The following CACNA1A variants were observed in gnomAD, a reference collection of about 807,000 sequenced individuals.
The protein encoded by CACNA1A is voltage-dependent P/Q-type calcium channel subunit alpha-1A.
A neutral mutation model predicts 262.4 loss-of-function variants in CACNA1A; 57 were observed. That is an observed-to-expected ratio of 0.22 (90% CI 0.18 to 0.27). CACNA1A has a LOEUF of 0.27. Among genes scored for constraint, CACNA1A ranks in the 10% least tolerant of loss-of-function variants. The pLI, the probability that CACNA1A is intolerant of heterozygous loss-of-function variation, is 1.00. For missense variants in CACNA1A, 2,526 were observed against 3,562.8 expected, an observed-to-expected ratio of 0.71 and a Z score of 7.41; for synonymous variants, 1,431 against 1,419.3, an observed-to-expected ratio of 1.01 and a Z score of -0.18.
Position 13,318,890 on chromosome 19 carries a change from CT to C in CACNA1A, c.1346-1570del, listed in dbSNP as rs751530649. 9.0e-3 allele frequency among the ~76,000 whole-genome samples: 1,028 copies of C among 114,558 alleles called. 21 individuals are homozygous for C. The highest frequency in any genetic ancestry group is 0.011 in the Non-Finnish European group (660 of 57,520). 75.2% of individuals were successfully genotyped at this position (114,558 alleles called of 152,430 possible). ...ATTGAATTTACCTTCTAAAATACAT[CT>C]TTTTTTTTTTTTTTTGAGACAGGAT... On this transcript the variant is annotated intron_variant, in intron 10 of 46. Coordinates refer to ENST00000360228, the MANE Select transcript of CACNA1A (RefSeq NM_001127222.2).
chr19:13,355,156 G>A (rs899196646), intron 6 of CACNA1A, among the ~76,000 whole-genome samples: 1 of 152,136 alleles, frequency 6.6e-6, no homozygotes, highest in Non-Finnish European at 1.5e-5. Context: ...GATTACAGGC[G>A]TGAGCCACTG....
At chr19:13,408,076 G>A (rs924485436) in intron 3 of CACNA1A, among the ~76,000 whole-genome samples, 3 of 152,072 alleles carry the variant, frequency 2.0e-5, no homozygotes, top group East Asian at 3.9e-4. Flanking sequence ...CATGCCTTCC[G>A]CACAGCCTGT....
At chr19:13,474,557 G>A (rs1425460317) in intron 1 of CACNA1A, among the ~76,000 whole-genome samples, 4 of 152,200 alleles carry the variant, frequency 2.6e-5, no homozygotes, top group East Asian at 1.9e-4. Flanking sequence ...GGTGGCTTAC[G>A]CCTGTAATCC....
At chr19:13,456,244 CAG>C (rs1330787517) in intron 1 of CACNA1A, among the ~76,000 whole-genome samples, 6 of 152,130 alleles carry the variant, frequency 3.9e-5, no homozygotes, top group African/African-American at 1.4e-4. Context: ...GAAGAAAAAA[CAG>C]ATATGCTGGG....
intron 11 of CACNA1A, among the ~76,000 whole-genome samples, chr19:13,315,051 G>T (rs750925228): frequency 6.6e-6 from 1 of 152,154 alleles, no homozygotes; most frequent in Non-Finnish European, 1.5e-5. Flanking sequence ...TAGCATTGTT[G>T]CATCTGGAAG....
intron 4 of CACNA1A, 157 bp from the exon 5 acceptor site, chr19:13,365,626 A>C: frequency 1.7e-6 from 1 of 580,534 alleles, no homozygotes; most frequent in Non-Finnish European, 3.0e-6. Context: ...TGAAGGAAGC[A>C]CCACACGGAG....
At position 13,214,230 on chromosome 19, in the gene CACNA1A, C is replaced by G; in HGVS notation, c.5940+3G>C. On this transcript the variant is annotated splice_donor_region_variant and intron_variant, in intron 40 of 46. Transcript: ENST00000360228. The surrounding 1 kb of genome is among the most constrained non-coding windows in gnomAD (Gnocchi z 4.1). Reference sequence around the variant, plus strand: ...GATGTCCCCAGAGCGGCGAACAGCGCACCTGCTCCTCGCGCATGGCCTGCA... The same window carrying G: ...GATGTCCCCAGAGCGGCGAACAGCGGACCTGCTCCTCGCGCATGGCCTGCA... The G allele has an allele frequency of 6.2e-7, 1 of 1,605,616 alleles. No individual in the cohort carries two copies. Among genetic ancestry groups the G allele is most frequent in the Non-Finnish European group, 8.5e-7 (1 of 1,178,370 alleles).
chr19:13,486,458 GAC>G (rs1980008852), intron 1 of CACNA1A, among the ~76,000 whole-genome samples: 2 of 151,442 alleles, frequency 1.3e-5, no homozygotes, highest in South Asian at 4.2e-4. Context: ...AAAGAAAGAA[GAC>G]ACATACACCA....
At chr19:13,210,316 C>T (rs955564215) in intron 44 of CACNA1A, among the ~76,000 whole-genome samples, 1 of 151,988 alleles carries the variant, frequency 6.6e-6, no homozygotes, top group Non-Finnish European at 1.5e-5. Context: ...AGAAGCCCCC[C>T]AGAAAGAGGT....
chr19:13,296,168 A>G (rs1246364928), intron 19 of CACNA1A, among the ~76,000 whole-genome samples: 5 of 152,310 alleles, frequency 3.3e-5, no homozygotes, highest in African/African-American at 1.2e-4. Flanking sequence ...GCTCGTTGCA[A>G]ATGCAGAATC....
chr19:13,485,560 C>T (rs1979871689), intron 1 of CACNA1A, among the ~76,000 whole-genome samples: 1 of 151,944 alleles, frequency 6.6e-6, no homozygotes, highest in South Asian at 2.1e-4. Flanking sequence ...CAAAAATGGA[C>T]AGAGCATGTA....
At chr19:13,261,200 C>T in intron 26 of CACNA1A, 2 of 441,674 alleles carry the variant, frequency 4.5e-6, no homozygotes, top group Non-Finnish European at 8.1e-6. Context: ...TATTAATATC[C>T]CTCACATGAC....
intron 1 of CACNA1A, among the ~76,000 whole-genome samples, chr19:13,499,452 G>GC (rs905853883): frequency 4.2e-5 from 5 of 118,908 alleles, no homozygotes; most frequent in Non-Finnish European, 5.0e-5. Flanking sequence ...GGGGGTGGTG[G>GC]GGGGGGGCAC....
At position 13,209,483 on chromosome 19, in the gene CACNA1A, T is replaced by C; in HGVS notation, c.6355A>G (p.Ser2119Gly). The change falls in exon 45 of 47, where the codon AGC (serine) becomes GGC (glycine). Residue 2119 changes from serine to glycine, a missense_variant. Ser to Gly is a moderately conservative substitution (Grantham distance 56). Transcript: ENST00000360228. Reference sequence around the variant, plus strand: ...ACGGAGGCTGAACGCTTCATGGGGCTGGTGTCTGAGATGGTCTGGGGGAGG... The same window carrying C: ...ACGGAGGCTGAACGCTTCATGGGGCCGGTGTCTGAGATGGTCTGGGGGAGG... ...GNNLSTISDT[S>G]PMKRSASVLG... The C allele has an allele frequency of 7.5e-7, 1 of 1,328,508 alleles. No individual in the cohort carries two copies. The highest frequency in any genetic ancestry group is 9.7e-7 in the Non-Finnish European group (1 of 1,032,748). 82.3% of individuals were successfully genotyped at this position (1,328,508 alleles called of 1,614,324 possible).
chr19:13,224,397 G>A (rs1290076635), intron 38 of CACNA1A, among the ~76,000 whole-genome samples: 1 of 151,226 alleles, frequency 6.6e-6, no homozygotes, highest in African/African-American at 2.4e-5. Flanking sequence ...TGAGGTGGAA[G>A]GATCACTTGA....
chr19:13,434,042 C>T lies in CACNA1A; in HGVS notation c.539+18834G>A, dbSNP rs368092476. Reference sequence around the variant, plus strand: ...GGGCAAGTCCTCTAGCTTTTCTGAACGTCAGTTTTCTCATCTGTAAAATGG... The same window carrying T: ...GGGCAAGTCCTCTAGCTTTTCTGAATGTCAGTTTTCTCATCTGTAAAATGG... On this transcript the variant is annotated intron_variant, in intron 3 of 46. Coordinates refer to ENST00000360228, the MANE Select transcript of CACNA1A (RefSeq NM_001127222.2). Among the ~76,000 whole-genome samples, 8 of 152,314 alleles carry T rather than the reference C, an allele frequency of 5.3e-5. 1 individual carries two copies. The highest frequency in any genetic ancestry group is 1.9e-4 in the African/African-American group (8 of 41,572).
chr19:13,304,032 G>T, intron 15 of CACNA1A, 148 bp from the exon 16 acceptor site: 1 of 630,572 alleles, frequency 1.6e-6, no homozygotes, highest in Non-Finnish European at 2.8e-6. Flanking sequence ...GCCAGACTCC[G>T]TGTTGGCTTC....
intron 33 of CACNA1A, 36 bp from the exon 34 acceptor site, chr19:13,235,072 T>G: frequency 1.3e-6 from 2 of 1,550,012 alleles, no homozygotes; most frequent in Non-Finnish European, 1.8e-6. Flanking sequence ...GGGGCTGCCA[T>G]TCCTCCAGTG....
intron 19 of CACNA1A, among the ~76,000 whole-genome samples, chr19:13,296,113 C>T (rs1370410750): frequency 6.6e-6 from 1 of 152,204 alleles, no homozygotes; most frequent in Non-Finnish European, 1.5e-5. Flanking sequence ...AGTCTCATTA[C>T]TCAAAATGTG....
Sources: gnomAD v4.1 joint callset for allele counts (sites outside exome capture counted in the v4.1 genomes callset) on GRCh38, gnomAD v4.1.1 for gene constraint, Gnocchi (gnomAD v3.1) non-coding constraint, MANE v1.5 for transcripts, NCBI Gene and HGNC (gene_info 2026-07-23, HGNC 2026-07-21) for gene names.